The following ZNF775 variants were observed in gnomAD, a reference collection of about 807,000 sequenced individuals.
ZNF775 encodes zinc finger protein 775.
Under a neutral mutation model 2.4 loss-of-function variants are expected in ZNF775, and 1 was observed. The ratio of observed to expected loss-of-function variants is 0.41; its 90% CI spans 0.15 to 1.94. ZNF775 has a LOEUF of 1.94. ZNF775 is among the 30% of genes most tolerant of loss of function. ZNF775 has a pLI of 0.30. For missense variants in ZNF775, 823 were observed against 826.6 expected (o/e 1.00, Z 0.05); for synonymous variants, 381 against 373.3 (o/e 1.02, Z -0.24).
intron 1 of ZNF775, among the ~76,000 whole-genome samples, chr7:150,381,925 C>T (rs114520287): frequency 0.012 from 1,651 of 134,432 alleles, 30 homozygotes; most frequent in African/African-American, 0.043. Context: ...GAGTGGGATC[C>T]GGGAAGTTGG....
intron 2 of ZNF775, among the ~76,000 whole-genome samples, chr7:150,393,042 C>A (rs1800587156): frequency 6.6e-6 from 1 of 152,106 alleles, no homozygotes; most frequent in South Asian, 2.1e-4. Flanking sequence ...TTGTACCTTA[C>A]CTGGGTTTTG....
intron 2 of ZNF775, among the ~76,000 whole-genome samples, chr7:150,395,915 TGAA>T (rs956183933): frequency 3.3e-5 from 5 of 151,960 alleles, no homozygotes; most frequent in African/African-American, 1.2e-4. Flanking sequence ...TCCCAGCAGG[TGAA>T]GTGCTCCCCC....
chr7:150,397,125 G>A lies in ZNF775; in HGVS notation c.644G>A (p.Arg215Gln), dbSNP rs752791090. 5.9e-5 allele frequency: 89 copies of A among 1,513,636 alleles called. No individual in the cohort carries two copies. Among genetic ancestry groups the A allele is most frequent in the Non-Finnish European group, 7.5e-5 (86 of 1,139,824 alleles). The allele number at this position is 1,513,636 out of a possible 1,614,324, so 93.8% of individuals were successfully genotyped here. Residue 215 changes from arginine to glutamine, a missense_variant, in exon 3 of 3, where the codon CGG (arginine) becomes CAG (glutamine). Transcript: ENST00000329630. ...GLRIHQRAHA[R>Q]DRQGSRAGLH... ...CGCATCCACCAGCGCGCGCACGCCC[G>A]GGACCGCCAGGGCTCCCGCGCCGGC...
chr7:150,394,829 G>T (rs1800621859), intron 2 of ZNF775, among the ~76,000 whole-genome samples: 1 of 152,088 alleles, frequency 6.6e-6, no homozygotes, highest in Non-Finnish European at 1.5e-5. Flanking sequence ...CTTTCCTGGG[G>T]AAAATCTCAG....
In ZNF775 at chr7:150,385,564, A is replaced by G. The variant is rs189803250; in HGVS notation, c.-49-2858A>G. 4.6e-3 allele frequency among the ~76,000 whole-genome samples: 695 copies of G among 151,902 alleles called. 21 individuals carry two copies. Among genetic ancestry groups the G allele is most frequent in the Admixed American group, 0.042 (641 of 15,238 alleles). On this transcript the variant is annotated intron_variant, in intron 1 of 2. Transcript: ENST00000329630. ...AGCTCTGAGCCTGCAATCCCTGAGTAACTGCAAAGACGGAAGCTCTCAGCC... is the reference window on the plus strand; with the variant it reads ...AGCTCTGAGCCTGCAATCCCTGAGTGACTGCAAAGACGGAAGCTCTCAGCC...
intron 2 of ZNF775, among the ~76,000 whole-genome samples, 153 bp downstream of exon 2, chr7:150,388,654 TAGAC>T (rs1202451662): frequency 6.6e-6 from 1 of 152,168 alleles, no homozygotes; most frequent in Non-Finnish European, 1.5e-5. Context: ...GACCAGGACT[TAGAC>T]AGCCATGTCA....
In ZNF775 at chr7:150,397,336, G is replaced by C. The variant is rs778560009; in HGVS notation, c.855G>C (p.Glu285Asp). ...AGCCGCGCCAGTTCATCTGCAACGAGTGTGGCAAGAGCTTCACCTGGTGGT... is the reference window on the plus strand; with the variant it reads ...AGCCGCGCCAGTTCATCTGCAACGACTGTGGCAAGAGCTTCACCTGGTGGT... ...PGEPRQFICN[E>D]CGKSFTWWSS... The change falls in exon 3 of 3, where the codon GAG (glutamate) becomes GAC (aspartate). Residue 285 changes from glutamate (E) to aspartate (D), a missense_variant. Transcript: ENST00000329630. 19 of 1,593,268 alleles carry C rather than the reference G, an allele frequency of 1.2e-5. No individual in the cohort carries two copies. The highest frequency in any genetic ancestry group is 1.5e-5 in the Non-Finnish European group (18 of 1,173,756).
chr7:150,395,536 C>T (rs1800632672), intron 2 of ZNF775, among the ~76,000 whole-genome samples: 1 of 152,344 alleles, frequency 6.6e-6, no homozygotes, highest in East Asian at 1.9e-4. Flanking sequence ...AACCTCAGAG[C>T]CCATGCTGCC....
rs1355134973 is a variant in ZNF775, at chr7:150,382,468, G to A, written c.-50+3076G>A. ...TTGGGGTTCTTGATTAAGACATGGG[G>A]TCCTGAGGGGAGGGACCAGGAAGGG... On this transcript the variant is annotated intron_variant, in intron 1 of 2. Coordinates refer to ENST00000329630, the MANE Select transcript of ZNF775 (RefSeq NM_173680.4). This position sits in a 1 kb window ranked among gnomAD's most constrained non-coding sequence, Gnocchi z 4.6. Among the ~76,000 whole-genome samples, 1 of 152,192 alleles carries A rather than the reference G, an allele frequency of 6.6e-6. No individual in the cohort carries two copies. Among genetic ancestry groups the A allele is most frequent in the Non-Finnish European group, 1.5e-5 (1 of 68,022 alleles).
At chr7:150,391,706 CTTTTT>C (rs535705895) in intron 2 of ZNF775, among the ~76,000 whole-genome samples, 3 of 73,596 alleles carry the variant, frequency 4.1e-5, no homozygotes, top group African/African-American at 5.4e-5. Context: ...TCCTTTCTTT[CTTTTT>C]TTTTTTTTTT....
chr7:150,397,247 T>A lies in ZNF775; in HGVS notation c.766T>A (p.Cys256Ser). ...CCCCGAGTGGGCCTGGCTGGGGCTC[T>A]GCCAGGGCTGGTGGGGCCAGCCCGG... ...GRPEWAWLGLCQGWWGQPGAR... is the reference protein window; with the variant it reads ...GRPEWAWLGLSQGWWGQPGAR... The change falls in exon 3 of 3, where the codon TGC (cysteine) becomes AGC (serine). Residue 256 changes from cysteine (C) to serine (S), a missense_variant. Coordinates refer to ENST00000329630, the MANE Select transcript of ZNF775 (RefSeq NM_173680.4). The A allele has an allele frequency of 7.7e-7, 1 of 1,292,722 alleles. No individual in the cohort carries two copies. Among genetic ancestry groups the A allele is most frequent in the Non-Finnish European group, 9.8e-7 (1 of 1,017,774 alleles). 80.1% of individuals were successfully genotyped at this position (1,292,722 alleles called of 1,614,324 possible).
chr7:150,388,314 C>G, intron 1 of ZNF775, 108 bp from the exon 2 acceptor site: 1 of 808,594 alleles, frequency 1.2e-6, no homozygotes, highest in Non-Finnish European at 2.0e-6. Flanking sequence ...GATAGAAAAG[C>G]TCTTTGGAAA....
Position 150,397,071 on chromosome 7 carries a change from A to T in ZNF775, c.590A>T (p.Glu197Val), listed in dbSNP as rs895929678. Residue 197 changes from glutamate to valine, a missense_variant, in exon 3 of 3, where the codon GAG becomes GTG. By Grantham distance (121) the Glu-to-Val change is moderately radical (BLOSUM62 -2). Coordinates refer to ENST00000329630, the MANE Select transcript of ZNF775 (RefSeq NM_173680.4). ...GCCACCCACTCGTGCCCCGAGTGCGAGCGCTGCTTCCGTCACCAGGTGGGC... is the reference window on the plus strand; with the variant it reads ...GCCACCCACTCGTGCCCCGAGTGCGTGCGCTGCTTCCGTCACCAGGTGGGC... Reference protein sequence around the residue: ...RPATHSCPECERCFRHQVGLR... With the variant: ...RPATHSCPECVRCFRHQVGLR... 1 of 1,582,174 alleles carries T rather than the reference A, an allele frequency of 6.3e-7. No homozygotes were observed. Among genetic ancestry groups the T allele is most frequent in the Non-Finnish European group, 8.5e-7 (1 of 1,172,326 alleles).
Position 150,397,483 on chromosome 7 carries a change from G to A in ZNF775, c.1002G>A (p.Glu334=), listed in dbSNP as rs1800692746. 2 of 1,588,628 alleles carry A rather than the reference G, an allele frequency of 1.3e-6. No individual in the cohort carries two copies. The highest frequency in any genetic ancestry group is 2.7e-5 in the African/African-American group (2 of 74,222). ...LTRHLRNHTG[E]RPHPCPHCGR... is the part of the protein sequence containing the mutation. ...GGCACCTGCGCAACCACACAGGCGA[G>A]CGCCCGCACCCCTGCCCGCACTGTG... is the stretch of plus-strand genomic sequence containing the variant. The change falls in exon 3 of 3, where the codon GAG becomes GAA. Residue 334 remains glutamate (E), a synonymous_variant. Coordinates refer to ENST00000329630, the MANE Select transcript of ZNF775 (RefSeq NM_173680.4).
intron 2 of ZNF775, among the ~76,000 whole-genome samples, chr7:150,393,783 C>T (rs1037912078): frequency 5.3e-5 from 8 of 152,138 alleles, no homozygotes; most frequent in African/African-American, 1.9e-4. Context: ...ATTCTCCTGC[C>T]TCAACCTTCT....
chr7:150,386,872 C>T (rs1800462702), intron 1 of ZNF775, among the ~76,000 whole-genome samples: 1 of 152,202 alleles, frequency 6.6e-6, no homozygotes, highest in Admixed American at 6.5e-5. Flanking sequence ...GCTCTGAGCC[C>T]TGCGGATCCA....
chr7:150,389,946 C>G (rs985470798), intron 2 of ZNF775, among the ~76,000 whole-genome samples: 72 of 143,232 alleles, frequency 5.0e-4, no homozygotes, highest in African/African-American at 1.8e-3. Context: ...GCAACACTTA[C>G]CATTGTAACC....
intron 1 of ZNF775, 25 bp downstream of exon 1, chr7:150,379,417 T>TC (rs1208256434): frequency 1.3e-5 from 2 of 152,090 alleles, no homozygotes; most frequent in African/African-American, 4.8e-5. Flanking sequence ...GTCGCCTCCC[T>TC]CCGAGTCCCT....
At chr7:150,386,048 G>A (rs1244311196) in intron 1 of ZNF775, among the ~76,000 whole-genome samples, 2 of 152,114 alleles carry the variant, frequency 1.3e-5, no homozygotes, top group Non-Finnish European at 2.9e-5. Flanking sequence ...CAATTTTCCT[G>A]TCTCAGCTTC....
Sources: gnomAD v4.1 joint callset for allele counts (sites outside exome capture counted in the v4.1 genomes callset) on GRCh38, gnomAD v4.1.1 for gene constraint, Gnocchi (gnomAD v3.1) non-coding constraint, MANE v1.5 for transcripts, NCBI Gene and HGNC (gene_info 2026-07-23, HGNC 2026-07-21) for gene names.